Variants in SLC47A1 observed in about 807,000 individuals in gnomAD.
SLC47A1 encodes the protein solute carrier family 47 member 1.
Under a neutral mutation model 65.8 loss-of-function variants are expected in SLC47A1, and 58 were observed. That is an observed-to-expected ratio of 0.88 (90% CI 0.71 to 1.10). The LOEUF is 1.10. SLC47A1 is among the 50% of genes least tolerant of loss of function. The pLI, the probability that SLC47A1 is intolerant of heterozygous loss-of-function variation, is 0.00. For missense variants in SLC47A1, 706 were observed against 719.2 expected, an observed-to-expected ratio of 0.98 and a Z score of 0.21; for synonymous variants, 285 against 295.0, an observed-to-expected ratio of 0.97 and a Z score of 0.35.
intron 12 of SLC47A1, among the ~76,000 whole-genome samples, chr17:19,562,116 A>C (rs2084316094): frequency 6.6e-6 from 1 of 152,240 alleles, no homozygotes; most frequent in African/African-American, 2.4e-5. Context: ...CTTTGTCAGC[A>C]GTTACAAAAT....
At chr17:19,556,149 G>C in intron 10 of SLC47A1, 87 bp downstream of exon 10, 9 of 1,425,604 alleles carry the variant, frequency 6.3e-6, no homozygotes, top group Non-Finnish European at 8.8e-6. Flanking sequence ...ACAGGCATTC[G>C]TACATGAATC....
intron 12 of SLC47A1, among the ~76,000 whole-genome samples, chr17:19,561,449 C>A (rs1016702175): frequency 2.6e-5 from 4 of 151,882 alleles, no homozygotes; most frequent in African/African-American, 9.7e-5. Flanking sequence ...CAAGACCATC[C>A]TGGCTAACAC....
intron 6 of SLC47A1, among the ~76,000 whole-genome samples, chr17:19,553,860 A>G (rs1268718233): frequency 6.6e-6 from 1 of 152,080 alleles, no homozygotes; most frequent in Non-Finnish European, 1.5e-5. Flanking sequence ...ATTTCTTGCC[A>G]TTTGTCCTCT....
At chr17:19,544,809 G>T (rs1294749478) in intron 2 of SLC47A1, among the ~76,000 whole-genome samples, 1 of 152,194 alleles carries the variant, frequency 6.6e-6, no homozygotes, top group Non-Finnish European at 1.5e-5. Context: ...GAAAGCCTGG[G>T]TAATCACCTC....
At chr17:19,536,915 C>T (rs1916001562) in intron 1 of SLC47A1, among the ~76,000 whole-genome samples, 1 of 152,176 alleles carries the variant, frequency 6.6e-6, no homozygotes, top group Non-Finnish European at 1.5e-5. Flanking sequence ...AAGAGAGTAA[C>T]CCATAACACA....
At position 19,560,278 on chromosome 17, in the gene SLC47A1, G is replaced by A. The variant is rs35790011; in HGVS notation, c.1012G>A (p.Val338Ile). The A allele has an allele frequency of 3.3e-3, 5,330 of 1,613,676 alleles. 155 individuals carry two copies. In the African/African-American group the frequency reaches 0.062, roughly 19 times the overall value. ...GGAGCAGGCACGGAAGTCCTCTACC[G>A]TTTCCCTGCTGATTACAGGTGCTGA... ...DMEQARKSST[V>I]SLLITVLFAV... The change falls in exon 11 of 17, where the codon GTT becomes ATT. Residue 338 changes from valine (V) to isoleucine (I), a missense_variant. Val to Ile is a conservative substitution (Grantham distance 29). Transcript: ENST00000270570.
Position 19,577,882 on chromosome 17 carries a change from TAAG to T in SLC47A1, c.*332_*334del. 1 of 1,240,558 alleles carries T rather than the reference TAAG, an allele frequency of 8.1e-7. No individual in the cohort carries two copies. The highest frequency in any genetic ancestry group is 5.1e-5 in the East Asian group (1 of 19,582). 76.8% of individuals were successfully genotyped at this position (1,240,558 alleles called of 1,614,324 possible). A position where few individuals can be genotyped will look rare whatever the true frequency, so the allele number is the denominator to read the frequency against. ...GACACAAACCCATAAACTAACTGCT[TAAG>T]AATTCATACTGCTTGAATTATGTAA... On this transcript the variant is annotated 3_prime_UTR_variant, in exon 17 of 17. Transcript: ENST00000270570.
At position 19,567,281 on chromosome 17, in the gene SLC47A1, G is replaced by A. The variant is rs537957436; in HGVS notation, c.1309+53G>A. ...TTAGCTGCTCACCAGCCCAGGAAAT[G>A]ACCGTCGGAGCACACGGGTCTTTGA... On this transcript the variant is annotated intron_variant, in intron 14 of 16. Transcript: ENST00000270570. 9.9e-6 allele frequency: 16 copies of A among 1,611,212 alleles called. No homozygotes were observed. The East Asian group carries it at 3.6e-4, about 36-fold the overall frequency.
chr17:19,572,965 A>G (rs1003718932), intron 16 of SLC47A1, 104 bp downstream of exon 16: 3 of 913,390 alleles, frequency 3.3e-6, no homozygotes, highest in Non-Finnish European at 5.3e-6. Context: ...TCTCATTTAA[A>G]TAGGGCAATA....
chr17:19,569,365 T>C (rs1454080279), intron 14 of SLC47A1, among the ~76,000 whole-genome samples: 1 of 121,648 alleles, frequency 8.2e-6, no homozygotes, highest in Non-Finnish European at 1.6e-5. Flanking sequence ...AGTGAGACTC[T>C]ACCTTAAAAA....
chr17:19,577,393 A>G lies in SLC47A1; in HGVS notation c.1553A>G (p.Asp518Gly), dbSNP rs138161789. The change falls in exon 17 of 17, where the codon GAT becomes GGT. Residue 518 changes from aspartate to glycine, a missense_variant. By Grantham distance (94) the Asp-to-Gly change is moderately conservative. Coordinates refer to ENST00000270570, the MANE Select transcript of SLC47A1 (RefSeq NM_018242.3). ...DVGKTGEPQS[D>G]QQMRQEEPLP... ...GGAAAGACAGGCGAGCCTCAGTCAG[A>G]TCAGCAGATGCGCCAAGAAGAACCT... is the stretch of plus-strand genomic sequence containing the variant. 9.9e-6 allele frequency: 16 copies of G among 1,614,094 alleles called. No individual in the cohort carries two copies. The highest frequency in any genetic ancestry group is 1.4e-5 in the Non-Finnish European group (16 of 1,180,044).
intron 1 of SLC47A1, 166 bp downstream of exon 1, chr17:19,534,240 G>C: frequency 1.2e-6 from 1 of 853,234 alleles, no homozygotes; most frequent in Non-Finnish European, 1.6e-6. Context: ...CAGCTCCTCT[G>C]CCTGCGTCCC....
At chr17:19,565,874 C>T (rs1467407355) in intron 12 of SLC47A1, among the ~76,000 whole-genome samples, 1 of 152,104 alleles carries the variant, frequency 6.6e-6, no homozygotes. Context: ...AGCCACCGTG[C>T]CTGGTGGTCT....
chr17:19,555,435 G>A lies in SLC47A1; in HGVS notation c.641+126G>A, dbSNP rs543436926. 18 of 1,289,174 alleles carry A rather than the reference G, an allele frequency of 1.4e-5. No individual in the cohort carries two copies. The African/African-American group carries it at 2.5e-4, about 18-fold the overall frequency. 79.9% of individuals were successfully genotyped at this position (1,289,174 alleles called of 1,614,324 possible). A position where few individuals can be genotyped will look rare whatever the true frequency, so the allele number is the denominator to read the frequency against. ...GCGTGGTCTCTTTCTTGCACACTGT[G>A]GAAAGCACTGTCAGGGATGGAGGGT... On this transcript the variant is annotated intron_variant, in intron 7 of 16. Coordinates refer to ENST00000270570, the MANE Select transcript of SLC47A1 (RefSeq NM_018242.3).
intron 14 of SLC47A1, among the ~76,000 whole-genome samples, chr17:19,569,963 C>G (rs1199471545): frequency 6.6e-6 from 1 of 152,044 alleles, no homozygotes; most frequent in African/African-American, 2.4e-5. Flanking sequence ...TAAGAGCAGG[C>G]TAGGCTGGGC....
chr17:19,537,275 A>T (rs1450064241), intron 1 of SLC47A1, among the ~76,000 whole-genome samples: 1 of 152,006 alleles, frequency 6.6e-6, no homozygotes, highest in African/African-American at 2.4e-5. Context: ...AGGCAGGTTG[A>T]GGGGGGTGAG....
At chr17:19,549,762 C>T in intron 5 of SLC47A1, 85 bp downstream of exon 5, 1 of 1,426,954 alleles carries the variant, frequency 7.0e-7, no homozygotes, top group Non-Finnish European at 9.9e-7. Flanking sequence ...AGTGTATTGG[C>T]TCAGTCTTAG....
intron 4 of SLC47A1, among the ~76,000 whole-genome samples, chr17:19,548,505 T>C (rs1280535893): frequency 2.0e-5 from 3 of 150,516 alleles, no homozygotes; most frequent in Non-Finnish European, 3.0e-5. Context: ...TTTTCTTTTT[T>C]TTTTTTTTTT....
chr17:19,543,298 C>T (rs181441007), intron 2 of SLC47A1, among the ~76,000 whole-genome samples: 78 of 149,952 alleles, frequency 5.2e-4, no homozygotes, highest in Admixed American at 1.3e-3. Flanking sequence ...TTAGTAGAGA[C>T]GGGGTTTCAC....
Sources: allele counts gnomAD v4.1 joint callset (sites outside exome capture counted in the v4.1 genomes callset), GRCh38; gene constraint gnomAD v4.1.1; transcripts MANE v1.5; gene names NCBI Gene and HGNC (gene_info 2026-07-23, HGNC 2026-07-21).